Variants in CCDC178 observed in about 807,000 individuals in gnomAD.
CCDC178 encodes coiled-coil domain containing 178, also known as coiled-coil domain-containing protein 178.
A neutral mutation model predicts 117.4 loss-of-function variants in CCDC178; 126 were observed. The ratio of observed to expected loss-of-function variants is 1.07; its 90% CI spans 0.93 to 1.24. The LOEUF (loss-of-function observed/expected upper bound fraction) is 1.24. Ranked by LOEUF, CCDC178 falls within the 50% of genes most tolerant of loss-of-function variation. The pLI, the probability that CCDC178 is intolerant of heterozygous loss-of-function variation, is 0.00. For synonymous variants in CCDC178, 283 were observed against 313.4 expected, an observed-to-expected ratio of 0.90 and a Z score of 1.02; for missense variants, 1,030 against 986.9, an observed-to-expected ratio of 1.04 and a Z score of -0.59.
At chr18:32,952,878 T>G (rs925764177) in intron 22 of CCDC178, among the ~76,000 whole-genome samples, 4 of 151,298 alleles carry the variant, frequency 2.6e-5, no homozygotes, top group African/African-American at 9.7e-5. Context: ...GGTTCAGCCA[T>G]TCTCCTGCCT....
chr18:33,301,969 A>C (rs2062183274), intron 11 of CCDC178, among the ~76,000 whole-genome samples: 1 of 152,176 alleles, frequency 6.6e-6, no homozygotes, highest in African/African-American at 2.4e-5. Context: ...TCCCCTCCAA[A>C]TCTCATATTG....
intron 2 of CCDC178, among the ~76,000 whole-genome samples, chr18:33,438,346 T>C (rs1440712237): frequency 1.3e-5 from 2 of 152,178 alleles, no homozygotes; most frequent in Non-Finnish European, 2.9e-5. Context: ...CACTCCCCTG[T>C]CTGCATTTGA....
chr18:33,201,625 G>A (rs370705137), intron 20 of CCDC178, among the ~76,000 whole-genome samples: 3 of 151,610 alleles, frequency 2.0e-5, no homozygotes, highest in African/African-American at 7.3e-5. Flanking sequence ...TGTGGGATGT[G>A]AAAAAATCAG....
chr18:33,310,719 G>C (rs927196826), intron 11 of CCDC178, among the ~76,000 whole-genome samples: 5 of 152,060 alleles, frequency 3.3e-5, no homozygotes, highest in African/African-American at 1.2e-4. Context: ...GTTTAAGATT[G>C]GCCCCCTATG....
chr18:33,047,474 T>C (rs1189071240), intron 21 of CCDC178, among the ~76,000 whole-genome samples: 1 of 152,226 alleles, frequency 6.6e-6, no homozygotes, highest in Non-Finnish European at 1.5e-5. Context: ...GCCTCTAATT[T>C]TGCATATTTC....
intron 6 of CCDC178, among the ~76,000 whole-genome samples, chr18:33,369,290 A>T (rs770555969): frequency 6.6e-6 from 1 of 151,918 alleles, no homozygotes; most frequent in African/African-American, 2.4e-5. Flanking sequence ...AAAGCCTGCA[A>T]TCTTGAAGAC....
At chr18:33,238,420 T>C (rs2059450687) in intron 15 of CCDC178, among the ~76,000 whole-genome samples, 2 of 152,036 alleles carry the variant, frequency 1.3e-5, no homozygotes, top group Admixed American at 6.5e-5. Context: ...CAATTTATGA[T>C]TTGAATGATA....
intron 12 of CCDC178, among the ~76,000 whole-genome samples, chr18:33,282,062 T>C (rs1478389861): frequency 1.3e-5 from 2 of 151,986 alleles, no homozygotes; most frequent in Non-Finnish European, 2.9e-5. Context: ...ACACAGAAGC[T>C]GGGTTGAAGG....
intron 6 of CCDC178, among the ~76,000 whole-genome samples, chr18:33,359,401 G>A (rs2063097825): frequency 6.6e-6 from 1 of 151,582 alleles, no homozygotes; most frequent in Non-Finnish European, 1.5e-5. Flanking sequence ...ACTTTAGTCA[G>A]TCTTTGATCT....
intron 20 of CCDC178, among the ~76,000 whole-genome samples, chr18:33,165,444 C>T (rs2058517143): frequency 6.6e-6 from 1 of 152,036 alleles, no homozygotes; most frequent in Non-Finnish European, 1.5e-5. Context: ...AAATACTATG[C>T]CATTGTATGT....
intron 5 of CCDC178, among the ~76,000 whole-genome samples, chr18:33,387,886 C>T (rs1418603963): frequency 6.6e-6 from 1 of 152,186 alleles, no homozygotes; most frequent in Non-Finnish European, 1.5e-5. Flanking sequence ...TACAGAGCTT[C>T]TGCATAGCAA....
chr18:33,212,087 C>G, intron 19 of CCDC178, 32 bp from the exon 20 acceptor site: 1 of 1,479,286 alleles, frequency 6.8e-7, no homozygotes, highest in African/African-American at 1.4e-5. Context: ...TGCCACTAAT[C>G]AATTCACATT....
intron 21 of CCDC178, among the ~76,000 whole-genome samples, chr18:33,002,612 C>T (rs998911055): frequency 5.3e-5 from 8 of 151,532 alleles, no homozygotes; most frequent in Non-Finnish European, 7.4e-5. Context: ...AACCTAACAA[C>T]GCATCTTAAA....
chr18:33,359,256 A>G (rs1436130057), intron 6 of CCDC178, among the ~76,000 whole-genome samples: 2 of 151,846 alleles, frequency 1.3e-5, no homozygotes, highest in African/African-American at 4.8e-5. Context: ...TATTTTATAA[A>G]GATAAAACAT....
chr18:33,239,387 C>A (rs1305285929), intron 15 of CCDC178, among the ~76,000 whole-genome samples: 1 of 151,520 alleles, frequency 6.6e-6, no homozygotes, highest in African/African-American at 2.4e-5. Context: ...AAATTAAATT[C>A]CTCATTTAAA....
chr18:33,280,602 G>A (rs1356630787), intron 12 of CCDC178, among the ~76,000 whole-genome samples: 1 of 151,540 alleles, frequency 6.6e-6, no homozygotes, highest in East Asian at 1.9e-4. Context: ...CCCATTACTG[G>A]GTATATACCC....
intron 21 of CCDC178, among the ~76,000 whole-genome samples, chr18:33,055,570 C>T (rs945935719): frequency 1.6e-4 from 24 of 152,104 alleles, no homozygotes; most frequent in African/African-American, 4.8e-4. Context: ...CTCAAGCAAT[C>T]GTCCTGACTC....
chr18:33,381,929 A>C (rs1386404379), intron 5 of CCDC178, among the ~76,000 whole-genome samples: 1 of 151,772 alleles, frequency 6.6e-6, no homozygotes, highest in Non-Finnish European at 1.5e-5. Flanking sequence ...GTTGTTTCTT[A>C]AATATCTCTG....
intron 12 of CCDC178, among the ~76,000 whole-genome samples, chr18:33,288,274 C>A (rs1356537434): frequency 1.7e-5 from 2 of 116,154 alleles, no homozygotes; most frequent in African/African-American, 3.4e-5. Context: ...CCTCCTCTCC[C>A]TTCCTCTCCC....
Sources: gnomAD v4.1 joint callset for allele counts (sites outside exome capture counted in the v4.1 genomes callset) on GRCh38, gnomAD v4.1.1 for gene constraint, MANE v1.5 for transcripts, NCBI Gene and HGNC (gene_info 2026-07-23, HGNC 2026-07-21) for gene names.